The following FMN2 variants were observed in gnomAD, a reference collection of about 807,000 sequenced individuals.
FMN2 encodes the protein formin-2.
In FMN2, 51 loss-of-function variants were observed where a neutral mutation model predicts 142.3. That is an observed-to-expected ratio of 0.36 (90% CI 0.29 to 0.45). The LOEUF is 0.45. FMN2 is among the 20% of genes least tolerant of loss of function. FMN2 has a pLI of 1.00. For synonymous variants in FMN2, 882 were observed against 869.8 expected (o/e 1.01, Z -0.25); for missense variants, 1,936 against 2,122.8 (o/e 0.91, Z 1.73).
intron 3 of FMN2, chr1:240,179,748 T>G (rs1665075560): frequency 6.5e-6 from 1 of 152,922 alleles, no homozygotes; most frequent in Non-Finnish European, 1.5e-5. Flanking sequence ...ATGATAACAT[T>G]TATTGATACA....
intron 8 of FMN2, among the ~76,000 whole-genome samples, chr1:240,295,685 T>G (rs1669950169): frequency 6.6e-6 from 1 of 152,140 alleles, no homozygotes. Flanking sequence ...CACTGGTTGG[T>G]TTTATATCTT....
chr1:240,346,936 T>G (rs1283293514), intron 13 of FMN2, among the ~76,000 whole-genome samples: 1 of 152,186 alleles, frequency 6.6e-6, no homozygotes, highest in Non-Finnish European at 1.5e-5. Context: ...TAAAACTTAT[T>G]TGGGAAAAAC....
chr1:240,263,109 G>A (rs891591516), intron 7 of FMN2, among the ~76,000 whole-genome samples: 5 of 152,052 alleles, frequency 3.3e-5, no homozygotes, highest in Non-Finnish European at 7.4e-5. Flanking sequence ...CTACCAGATC[G>A]AACTGAAGCA....
chr1:240,226,823 C>T (rs932826691), intron 6 of FMN2, among the ~76,000 whole-genome samples: 8 of 151,730 alleles, frequency 5.3e-5, no homozygotes, highest in Non-Finnish European at 1.2e-4. Context: ...CACACACACA[C>T]ACACACACAC....
intron 4 of FMN2, among the ~76,000 whole-genome samples, chr1:240,200,614 C>G (rs144681651): frequency 4.4e-4 from 67 of 151,942 alleles, no homozygotes; most frequent in Non-Finnish European, 1.2e-4. Flanking sequence ...GTTTGAGATG[C>G]GCTTAGTTGC....
chr1:240,139,229 C>T (rs1487135307), intron 2 of FMN2, among the ~76,000 whole-genome samples: 1 of 152,186 alleles, frequency 6.6e-6, no homozygotes. Context: ...GTCCAGGTTT[C>T]TGGTCTGAGC....
intron 15 of FMN2, among the ~76,000 whole-genome samples, chr1:240,394,520 G>T (rs1158968938): frequency 6.6e-6 from 1 of 152,196 alleles, no homozygotes; most frequent in Non-Finnish European, 1.5e-5. Context: ...AACAAGTGCT[G>T]ATGGACAAGC....
At position 240,093,559 on chromosome 1, in the gene FMN2, G is replaced by A; in HGVS notation, c.1450G>A (p.Asp484Asn). ...TGCGGCCGGCCTGAGCCGCTCGGCT[G>A]ACTGGACGGAGGAGCTAGGCGCCCG... ...GLAAGLSRSADWTEELGARTP... is the reference protein window; with the variant it reads ...GLAAGLSRSANWTEELGARTP... The change falls in exon 1 of 18, where the codon GAC becomes AAC. Residue 484 changes from aspartate to asparagine, a missense_variant. Asp to Asn is a conservative substitution (Grantham distance 23). Transcript: ENST00000319653. The A allele has an allele frequency of 1.3e-6, 2 of 1,502,646 alleles. No individual in the cohort carries two copies. The highest frequency in any genetic ancestry group is 1.8e-6 in the Non-Finnish European group (2 of 1,134,446). The allele number at this position is 1,502,646 out of a possible 1,614,324, so 93.1% of individuals were successfully genotyped here.
intron 5 of FMN2, among the ~76,000 whole-genome samples, chr1:240,209,820 C>T (rs925617773): frequency 3.3e-5 from 5 of 151,762 alleles, no homozygotes; most frequent in South Asian, 2.1e-4. Flanking sequence ...AGGAGAATGG[C>T]ATGAACCCGG....
intron 16 of FMN2, among the ~76,000 whole-genome samples, chr1:240,459,861 G>A (rs566206493): frequency 2.0e-5 from 3 of 148,132 alleles, no homozygotes; most frequent in African/African-American, 7.4e-5. Flanking sequence ...TGAAGTGTTT[G>A]TAAGCATTAC....
At chr1:240,190,315 G>A (rs188651703) in intron 4 of FMN2, among the ~76,000 whole-genome samples, 1 of 152,262 alleles carries the variant, frequency 6.6e-6, no homozygotes, top group African/African-American at 2.4e-5. Flanking sequence ...GGAAGCAATC[G>A]ATTTTAAGCA....
At chr1:240,319,252 G>A (rs1278170932) in intron 8 of FMN2, among the ~76,000 whole-genome samples, 2 of 152,142 alleles carry the variant, frequency 1.3e-5, no homozygotes, top group Non-Finnish European at 2.9e-5. Context: ...AAAAGTATCA[G>A]GAGTGATGGC....
chr1:240,382,012 T>G (rs868009140), intron 14 of FMN2, among the ~76,000 whole-genome samples: 3 of 152,136 alleles, frequency 2.0e-5, no homozygotes, highest in Non-Finnish European at 4.4e-5. Flanking sequence ...ACATTCAAAT[T>G]GGAAAAGAAG....
At chr1:240,448,133 A>G (rs1391057486) in intron 16 of FMN2, among the ~76,000 whole-genome samples, 7 of 152,214 alleles carry the variant, frequency 4.6e-5, no homozygotes, top group Non-Finnish European at 8.8e-5. Flanking sequence ...AACTACAAAC[A>G]TGAGTATTAG....
At position 240,105,100 on chromosome 1, in the gene FMN2, CTTTTTTTTTTTTTT is replaced by C. The variant is rs57841541; in HGVS notation, c.1615+11389_1615+11402del. Among the ~76,000 whole-genome samples the C allele has an allele frequency of 1.1e-3, 81 of 73,026 alleles. 1 individual carries two copies. The highest frequency in any genetic ancestry group is 3.9e-3 in the African/African-American group (73 of 18,732). 47.9% of individuals were successfully genotyped at this position (73,026 alleles called of 152,430 possible). On this transcript the variant is annotated intron_variant, in intron 1 of 17. Transcript: ENST00000319653. ...CAGAATGCTTTCCTAGTTTATGCTT[CTTTTTTTTTTTTTT>C]TTTTTTTTTTTTGAGACCGAGTCTC...
At chr1:240,364,200 C>T (rs1457221449) in intron 14 of FMN2, among the ~76,000 whole-genome samples, 1 of 152,042 alleles carries the variant, frequency 6.6e-6, no homozygotes, top group Admixed American at 6.5e-5. Flanking sequence ...ATGGCAAAGT[C>T]AGGCTGGAAC....
chr1:240,092,103 T>C lies in FMN2; in HGVS notation c.-7T>C. On this transcript the variant is annotated 5_prime_UTR_variant, in exon 1 of 18. Coordinates refer to ENST00000319653, the MANE Select transcript of FMN2 (RefSeq NM_020066.5). ...GCGGCGCGGCGGCGCAGCAGCGGGA[T>C]TGCACCATGGGGAACCAGGATGGGA... The C allele has an allele frequency of 1.9e-6, 3 of 1,546,528 alleles. No individual in the cohort carries two copies.
At chr1:240,398,671 T>G (rs953090272) in intron 15 of FMN2, among the ~76,000 whole-genome samples, 1 of 152,232 alleles carries the variant, frequency 6.6e-6, no homozygotes, top group Non-Finnish European at 1.5e-5. Flanking sequence ...GTAGTAATTC[T>G]GTGCAGGAAA....
At chr1:240,293,834 A>T (rs1374323837) in intron 7 of FMN2, among the ~76,000 whole-genome samples, 2 of 152,108 alleles carry the variant, frequency 1.3e-5, no homozygotes, top group Admixed American at 6.6e-5. Context: ...TAGATTTCTT[A>T]TCCATCCTGT....
Sources: gnomAD v4.1 joint callset for allele counts (sites outside exome capture counted in the v4.1 genomes callset) on GRCh38, gnomAD v4.1.1 for gene constraint, MANE v1.5 for transcripts, NCBI Gene and HGNC (gene_info 2026-07-23, HGNC 2026-07-21) for gene names.